The following ENOX1 variants were observed in gnomAD, a reference collection of about 807,000 sequenced individuals.
The protein encoded by ENOX1 is candidate growth-related and time keeping constitutive hydroquinone (NADH) oxidase.
Under a neutral mutation model 82.5 loss-of-function variants are expected in ENOX1, and 42 were observed. The observed-to-expected ratio is 0.51, with a 90% confidence interval of 0.40 to 0.66. The LOEUF (loss-of-function observed/expected upper bound fraction) is 0.66. Ranked by LOEUF, ENOX1 falls within the 30% of genes least tolerant of loss-of-function variation. The pLI, the probability that ENOX1 is intolerant of heterozygous loss-of-function variation, is 0.00. For missense variants in ENOX1, 608 were observed against 811.6 expected (o/e 0.75, Z 3.05); for synonymous variants, 271 against 282.2 (o/e 0.96, Z 0.40).
At chr13:43,781,681 T>G (rs1952272716) in intron 1 of ENOX1, among the ~76,000 whole-genome samples, 1 of 152,042 alleles carries the variant, frequency 6.6e-6, no homozygotes, top group South Asian at 2.1e-4. Flanking sequence ...CCCGGCTAAT[T>G]TTGTATTTTT....
intron 1 of ENOX1, among the ~76,000 whole-genome samples, chr13:43,765,822 T>C (rs889327950): frequency 6.6e-6 from 1 of 152,180 alleles, no homozygotes; most frequent in Admixed American, 6.5e-5. Flanking sequence ...GCTTTTCACA[T>C]CGTTAGGTAA....
At chr13:43,250,538 C>A (rs1444359488) in intron 14 of ENOX1, among the ~76,000 whole-genome samples, 1 of 152,158 alleles carries the variant, frequency 6.6e-6, no homozygotes, top group Non-Finnish European at 1.5e-5. Flanking sequence ...TCTTAAGAAC[C>A]AGAGTCTCAC....
intron 3 of ENOX1, among the ~76,000 whole-genome samples, chr13:43,452,469 C>G (rs945043663): frequency 1.3e-5 from 2 of 152,140 alleles, no homozygotes; most frequent in African/African-American, 2.4e-5. Flanking sequence ...TTTATGGCTG[C>G]ATTGTATTCC....
chr13:43,376,567 TTTAAG>T (rs1353619664), intron 5 of ENOX1, among the ~76,000 whole-genome samples: 2 of 152,198 alleles, frequency 1.3e-5, no homozygotes, highest in Non-Finnish European at 2.9e-5. Context: ...AAAAAAGTAC[TTTAAG>T]TTATTGAAAA....
intron 9 of ENOX1, among the ~76,000 whole-genome samples, chr13:43,341,262 C>A (rs1348244660): frequency 6.6e-6 from 1 of 151,190 alleles, no homozygotes; most frequent in Non-Finnish European, 1.5e-5. Context: ...CACCACTGTA[C>A]TCCAGCCTGG....
At chr13:43,284,044 C>A (rs1042181150) in intron 12 of ENOX1, among the ~76,000 whole-genome samples, 1 of 152,122 alleles carries the variant, frequency 6.6e-6, no homozygotes, top group Non-Finnish European at 1.5e-5. Context: ...CAATACCACT[C>A]TTTTGACATC....
At chr13:43,609,183 T>C (rs1214374202) in intron 2 of ENOX1, among the ~76,000 whole-genome samples, 1 of 152,188 alleles carries the variant, frequency 6.6e-6, no homozygotes, top group Non-Finnish European at 1.5e-5. Flanking sequence ...GGTACTTCTT[T>C]ATGGTTAGCA....
intron 12 of ENOX1, among the ~76,000 whole-genome samples, chr13:43,282,071 T>C (rs1017214424): frequency 2.0e-5 from 3 of 152,170 alleles, no homozygotes; most frequent in Non-Finnish European, 4.4e-5. Flanking sequence ...TCCAAGTTGT[T>C]AAAACCTTCA....
chr13:43,506,210 A>G (rs2153671371), intron 2 of ENOX1, among the ~76,000 whole-genome samples: 1 of 151,880 alleles, frequency 6.6e-6, no homozygotes, highest in South Asian at 2.1e-4. Context: ...TGTTCTTCTT[A>G]TGCAGCCAAA....
intron 2 of ENOX1, among the ~76,000 whole-genome samples, chr13:43,599,013 C>T (rs1251414976): frequency 1.3e-5 from 2 of 152,072 alleles, no homozygotes; most frequent in African/African-American, 2.4e-5. Flanking sequence ...TGTTCGTGAG[C>T]TTGGTGAACA....
chr13:43,630,874 C>CACACACAT (rs768788507), intron 2 of ENOX1, among the ~76,000 whole-genome samples: 3 of 144,556 alleles, frequency 2.1e-5, no homozygotes, highest in Non-Finnish European at 4.6e-5. Flanking sequence ...CACACACACA[C>CACACACAT]ATATATATAC....
At chr13:43,265,309 T>C in intron 14 of ENOX1, 89 bp downstream of exon 14, 1 of 1,124,430 alleles carries the variant, frequency 8.9e-7, no homozygotes, top group Non-Finnish European at 1.3e-6. Context: ...AGCTTCTGAT[T>C]TCCTTTATGT....
intron 2 of ENOX1, among the ~76,000 whole-genome samples, chr13:43,661,543 A>G (rs1018665893): frequency 6.6e-5 from 10 of 152,214 alleles, no homozygotes; most frequent in African/African-American, 2.2e-4. Flanking sequence ...TGTTAAAATG[A>G]TATTTCAAAA....
intron 2 of ENOX1, among the ~76,000 whole-genome samples, chr13:43,501,406 A>G (rs2076976520): frequency 6.6e-6 from 1 of 151,778 alleles, no homozygotes; most frequent in African/African-American, 2.4e-5. Context: ...TATATACCAA[A>G]TGGACCTAAC....
At chr13:43,542,484 G>A (rs1239206732) in intron 2 of ENOX1, among the ~76,000 whole-genome samples, 3 of 146,054 alleles carry the variant, frequency 2.1e-5, no homozygotes, top group Non-Finnish European at 4.5e-5. Context: ...CGCCCAGGCT[G>A]GAGTGCAGTG....
intron 13 of ENOX1, among the ~76,000 whole-genome samples, chr13:43,266,649 T>G (rs952984121): frequency 1.3e-5 from 2 of 152,168 alleles, no homozygotes; most frequent in African/African-American, 4.8e-5. Flanking sequence ...GCATGGGCGA[T>G]GTATGGCATA....
At chr13:43,247,854 TATATATATATA>T (rs2043184291) in intron 14 of ENOX1, among the ~76,000 whole-genome samples, 7 of 4,668 alleles carry the variant, frequency 1.5e-3, no homozygotes, top group Admixed American at 4.2e-3. Context: ...TATATATATA[TATATATATATA>T]TATATATATA....
intron 1 of ENOX1, among the ~76,000 whole-genome samples, chr13:43,728,389 C>G (rs2089122342): frequency 6.6e-6 from 1 of 152,116 alleles, no homozygotes; most frequent in African/African-American, 2.4e-5. Flanking sequence ...TATTTCTTTC[C>G]ATATCATACC....
intron 8 of ENOX1, among the ~76,000 whole-genome samples, chr13:43,353,481 C>T (rs1326178909): frequency 6.6e-6 from 1 of 152,180 alleles, no homozygotes; most frequent in Non-Finnish European, 1.5e-5. Flanking sequence ...TCCTTTCTGA[C>T]ACAGATTTCT....
Sources: allele counts gnomAD v4.1 joint callset (sites outside exome capture counted in the v4.1 genomes callset), GRCh38; gene constraint gnomAD v4.1.1; transcripts MANE v1.5; gene names NCBI Gene and HGNC (gene_info 2026-07-23, HGNC 2026-07-21).